Variants in RNF103 observed in about 807,000 individuals in gnomAD.
RNF103 encodes the protein ring finger protein 103, also known as E3 ubiquitin-protein ligase RNF103.
In RNF103, 23 loss-of-function variants were observed where a neutral mutation model predicts 66.2. That is an observed-to-expected ratio of 0.35 (90% CI 0.25 to 0.49). The LOEUF (loss-of-function observed/expected upper bound fraction) is 0.49. Ranked by LOEUF, RNF103 falls within the 20% of genes least tolerant of loss-of-function variation. The pLI, the probability that RNF103 is intolerant of heterozygous loss-of-function variation, is 0.98. For synonymous variants in RNF103, 297 were observed against 289.9 expected (o/e 1.02, Z -0.25); for missense variants, 730 against 814.7 (o/e 0.90, Z 1.27).
intron 2 of RNF103, chr2:86,613,358 A>C (rs888438328): frequency 4.8e-4 from 73 of 152,316 alleles, no homozygotes; most frequent in African/African-American, 1.7e-3. Context: ...GCAGAATTTC[A>C]ATGCAGATAC....
intron 1 of RNF103, 72 bp downstream of exon 1, chr2:86,622,589 G>T: frequency 6.8e-7 from 1 of 1,470,724 alleles, no homozygotes; most frequent in Non-Finnish European, 9.5e-7. Flanking sequence ...TGGGGGAACA[G>T]CCAGGTACCA....
intron 3 of RNF103, among the ~76,000 whole-genome samples, chr2:86,608,751 A>G (rs964810957): frequency 5.9e-5 from 9 of 151,380 alleles, no homozygotes; most frequent in African/African-American, 2.2e-4. Flanking sequence ...CATCTCCCCA[A>G]CCCTCTCTAC....
Position 86,603,822 on chromosome 2 carries a change from T to C in RNF103, c.*21A>G, listed in dbSNP as rs761941063. The C allele has an allele frequency of 6.9e-6, 11 of 1,585,770 alleles. No individual in the cohort carries two copies. Among genetic ancestry groups the C allele is most frequent in the Middle Eastern group, 1.7e-4 (1 of 5,888 alleles). On this transcript the variant is annotated 3_prime_UTR_variant, in exon 4 of 4. Transcript: ENST00000237455. ...CAAGCTGTAAGATACTCAAAGCTTA[T>C]AAAGGACAAATTGCACATGGTTAAG...
At position 86,604,140 on chromosome 2, in the gene RNF103, T is replaced by A; in HGVS notation, c.1761A>T (p.Pro587=). 6.2e-7 allele frequency: 1 copy of A among 1,613,416 alleles called. No individual in the cohort carries two copies. Among genetic ancestry groups the A allele is most frequent in the Non-Finnish European group, 8.5e-7 (1 of 1,180,030 alleles). Residue 587 remains proline, a synonymous_variant, in exon 4 of 4, where the codon CCA becomes CCT. Coordinates refer to ENST00000237455, the MANE Select transcript of RNF103 (RefSeq NM_005667.4). ...CATATGACCTCCCCTTCCTTTCACA[T>A]GGGCTGGTCTGACAATATTTATTGG... ...SCANKYCQTS[P]CERKGRSYGS...
intron 2 of RNF103, chr2:86,618,141 G>A: frequency 1.1e-5 from 3 of 276,850 alleles, no homozygotes; most frequent in Admixed American, 4.3e-5. Flanking sequence ...TATTTTCAGA[G>A]AAAAAAAATT....
At position 86,620,565 on chromosome 2, in the gene RNF103, A is replaced by G; in HGVS notation, c.227-96T>C. ...TTTTTACACTGTTAAGAATCATGAT[A>G]TTGTACTTTCATTGTATTTTATAGA... On this transcript the variant is annotated intron_variant, in intron 1 of 3. Coordinates refer to ENST00000237455, the MANE Select transcript of RNF103 (RefSeq NM_005667.4). 3.0e-6 allele frequency: 4 copies of G among 1,336,746 alleles called. No homozygotes were observed. In the East Asian group the frequency reaches 1.0e-4, roughly 34 times the overall value. The allele number at this position is 1,336,746 out of a possible 1,614,324, so 82.8% of individuals were successfully genotyped here.
chr2:86,616,492 T>C (rs1679026926), intron 2 of RNF103: 2 of 979,674 alleles, frequency 2.0e-6, no homozygotes, highest in East Asian at 1.1e-4. Context: ...CAATACAAAA[T>C]ATAAGATAAA....
At chr2:86,616,482 C>T in intron 2 of RNF103, 1 of 972,288 alleles carries the variant, frequency 1.0e-6, no homozygotes, top group South Asian at 4.8e-5. Context: ...AATTTTTTAC[C>T]AATACAAAAT....
chr2:86,622,480 T>G (rs948715221), intron 1 of RNF103, among the ~76,000 whole-genome samples, 181 bp downstream of exon 1: 9 of 152,184 alleles, frequency 5.9e-5, no homozygotes, highest in African/African-American at 2.2e-4. Flanking sequence ...CCAAATAATT[T>G]CAGACTCCTC....
At chr2:86,617,209 A>C (rs970655758) in intron 2 of RNF103, 18 of 985,274 alleles carry the variant, frequency 1.8e-5, no homozygotes, top group Non-Finnish European at 2.0e-5. Context: ...GAAAAGCTTA[A>C]AAATATGAAG....
rs747513615 is a variant in RNF103 at position 86,620,324 on chromosome 2, T to G, written c.366+6A>C. Reference sequence around the variant, plus strand: ...CGAATTATCAAATTATTACTGCTTTTCATACCTGAACCAGCCAGATGCCAT... The same window carrying G: ...CGAATTATCAAATTATTACTGCTTTGCATACCTGAACCAGCCAGATGCCAT... On this transcript the variant is annotated splice_donor_region_variant and intron_variant, in intron 2 of 3. Coordinates refer to ENST00000237455, the MANE Select transcript of RNF103 (RefSeq NM_005667.4). 3 of 1,588,922 alleles carry G rather than the reference T, an allele frequency of 1.9e-6. No individual in the cohort carries two copies. Among genetic ancestry groups the G allele is most frequent in the Non-Finnish European group, 2.6e-6 (3 of 1,163,844 alleles).
At chr2:86,622,541 C>T (rs1573373485) in intron 1 of RNF103, 120 bp downstream of exon 1, 2 of 936,536 alleles carry the variant, frequency 2.1e-6, no homozygotes, top group East Asian at 2.4e-5. Context: ...GACGAAGAAA[C>T]CTGGGCAGCT....
At chr2:86,620,976 C>T (rs1052296995) in intron 1 of RNF103, among the ~76,000 whole-genome samples, 1 of 152,082 alleles carries the variant, frequency 6.6e-6, no homozygotes, top group African/African-American at 2.4e-5. Context: ...ACCTGTTAGA[C>T]AGAACAAACT....
chr2:86,614,680 C>CAT, intron 2 of RNF103: 3 of 843,254 alleles, frequency 3.6e-6, no homozygotes, highest in Non-Finnish European at 4.3e-6. Flanking sequence ...GCCTCTTGTT[C>CAT]TTTATTTTAT....
At chr2:86,621,269 T>C (rs1404596372) in intron 1 of RNF103, among the ~76,000 whole-genome samples, 3 of 152,112 alleles carry the variant, frequency 2.0e-5, no homozygotes, top group South Asian at 2.1e-4. Flanking sequence ...ATGTGCCAAG[T>C]ATTTTTAGGC....
chr2:86,617,911 G>C (rs138408890), intron 2 of RNF103: 397 of 981,220 alleles, frequency 4.0e-4, no homozygotes, highest in Non-Finnish European at 5.3e-4. Context: ...TGTCCTGCCA[G>C]AGATTGTTCT....
At position 86,604,102 on chromosome 2, in the gene RNF103, G is replaced by A; in HGVS notation, c.1799C>T (p.Thr600Ile). The A allele has an allele frequency of 6.2e-7, 1 of 1,613,592 alleles. No individual in the cohort carries two copies. The highest frequency in any genetic ancestry group is 8.5e-7 in the Non-Finnish European group (1 of 1,180,028). Reference sequence around the variant, plus strand: ...CCAATCAGGTTCCATATCTTCATTAGTGTTATATGATCCATATGACCTCCC... The same window carrying A: ...CCAATCAGGTTCCATATCTTCATTAATGTTATATGATCCATATGACCTCCC... The part of the protein sequence containing the change: ...RKGRSYGSYN[T>I]NEDMEPDWLT... Residue 600 changes from threonine (T) to isoleucine (I), a missense_variant, in exon 4 of 4, where the codon ACT becomes ATT. Thr to Ile is a moderately conservative substitution (Grantham distance 89). This residue lies in a region of RNF103 where 355 missense variants were observed against 351.9 expected (regional missense o/e 1.01). Coordinates refer to ENST00000237455, the MANE Select transcript of RNF103 (RefSeq NM_005667.4).
Position 86,605,527 on chromosome 2 carries a change from A to C in RNF103, c.483-109T>G, listed in dbSNP as rs912594240. ...CCCCAAAGCCAAATAATTTCCAAAT[A>C]ATCAAAAAGTGGTACCACTACTTGG... On this transcript the variant is annotated intron_variant, in intron 3 of 3. Coordinates refer to ENST00000237455, the MANE Select transcript of RNF103 (RefSeq NM_005667.4). The C allele has an allele frequency of 6.8e-6, 8 of 1,178,312 alleles. No individual in the cohort carries two copies. The Admixed American group carries it at 1.9e-4, about 27-fold the overall frequency. The allele number at this position is 1,178,312 out of a possible 1,614,324, so 73.0% of individuals were successfully genotyped here.
intron 3 of RNF103, among the ~76,000 whole-genome samples, chr2:86,611,937 G>A (rs995194842): frequency 2.2e-4 from 33 of 152,114 alleles, no homozygotes; most frequent in Non-Finnish European, 3.8e-4. Context: ...AGAAAGGGAC[G>A]GGGAGAGAGA....
Sources: gnomAD v4.1 joint callset for allele counts (sites outside exome capture counted in the v4.1 genomes callset) on GRCh38, gnomAD v4.1.1 for gene constraint, gnomAD v4.1.1 regional missense constraint, MANE v1.5 for transcripts, NCBI Gene and HGNC (gene_info 2026-07-23, HGNC 2026-07-21) for gene names.